The following GRM3 variants were observed in gnomAD, a reference collection of about 807,000 sequenced individuals.
The protein encoded by GRM3 is metabotropic glutamate receptor 3.
GRM3 carries 26 observed loss-of-function variants against 70.5 expected under a neutral mutation model. That is an observed-to-expected ratio of 0.37 (90% CI 0.27 to 0.51). The LOEUF (loss-of-function observed/expected upper bound fraction) is 0.51, where lower values mean the gene tolerates loss of function less well. Ranked by LOEUF, GRM3 falls within the 20% of genes least tolerant of loss-of-function variation. The pLI is 0.93. For missense variants in GRM3, 859 were observed against 1,123.8 expected (o/e 0.76, Z 3.37); for synonymous variants, 443 against 434.9 (o/e 1.02, Z -0.23).
rs2116545429 is a variant in GRM3, at chr7:86,786,654, G to A, written c.862G>A (p.Ala288Thr). The change falls in exon 3 of 6, where the codon GCC becomes ACC. Residue 288 changes from alanine to threonine, a missense_variant. Ala to Thr is a moderately conservative substitution (Grantham distance 58, BLOSUM62 0). Coordinates refer to ENST00000361669, the MANE Select transcript of GRM3 (RefSeq NM_000840.3). The surrounding 1 kb of genome is among the most constrained non-coding windows in gnomAD (Gnocchi z 6.0). ...CGACTCGCGGGAGCTCATTGCAGCC[G>A]CCAGCCGCGCCAATGCCTCCTTCAC... ...SDDSRELIAAASRANASFTWV... is the reference protein window; with the variant it reads ...SDDSRELIAATSRANASFTWV... 6.2e-7 allele frequency: 1 copy of A among 1,611,496 alleles called. No homozygotes were observed. The highest frequency in any genetic ancestry group is 1.3e-5 in the African/African-American group (1 of 75,064).
chr7:86,739,368 A>G (rs1795933908), intron 1 of GRM3, among the ~76,000 whole-genome samples: 1 of 152,146 alleles, frequency 6.6e-6, no homozygotes, highest in Admixed American at 6.5e-5. Context: ...CCCTCCTTCC[A>G]GTAACCTTCC....
intron 1 of GRM3, among the ~76,000 whole-genome samples, chr7:86,705,261 T>C (rs1455736926): frequency 6.6e-6 from 1 of 152,006 alleles, no homozygotes; most frequent in African/African-American, 2.4e-5. Context: ...CAATGTCATT[T>C]ATTTTTCAAT....
intron 1 of GRM3, among the ~76,000 whole-genome samples, chr7:86,694,084 G>A (rs981659467): frequency 2.0e-5 from 3 of 152,172 alleles, no homozygotes; most frequent in Non-Finnish European, 4.4e-5. Flanking sequence ...TATGGACTGT[G>A]GAGGTGAGAG....
At chr7:86,733,614 G>C (rs1196864906) in intron 1 of GRM3, among the ~76,000 whole-genome samples, 1 of 152,182 alleles carries the variant, frequency 6.6e-6, no homozygotes, top group East Asian at 1.9e-4. Context: ...ATAAGGACAG[G>C]GAAAAAGGTT....
intron 1 of GRM3, among the ~76,000 whole-genome samples, chr7:86,659,211 G>A (rs1226236181): frequency 6.6e-6 from 1 of 152,116 alleles, no homozygotes; most frequent in African/African-American, 2.4e-5. Context: ...ATTAAATGCA[G>A]TTTGTGGCAA....
At chr7:86,789,060 A>T (rs1797341560) in intron 3 of GRM3, among the ~76,000 whole-genome samples, 1 of 152,226 alleles carries the variant, frequency 6.6e-6, no homozygotes, top group Non-Finnish European at 1.5e-5. Flanking sequence ...AAACAAAAGT[A>T]TCCTCTTTTT....
chr7:86,654,173 G>A (rs1485790590), intron 1 of GRM3, among the ~76,000 whole-genome samples: 5 of 152,210 alleles, frequency 3.3e-5, no homozygotes, highest in Non-Finnish European at 7.3e-5. Flanking sequence ...CAGGAAGTGA[G>A]GGACTGGCAG....
intron 2 of GRM3, among the ~76,000 whole-genome samples, chr7:86,777,398 A>T (rs1796920673): frequency 6.6e-6 from 1 of 152,100 alleles, no homozygotes; most frequent in South Asian, 2.1e-4. Context: ...TTCCACTATG[A>T]TTAGGGAGTC....
At chr7:86,836,145 C>G (rs1332624110) in intron 3 of GRM3, among the ~76,000 whole-genome samples, 4 of 152,138 alleles carry the variant, frequency 2.6e-5, no homozygotes, top group Non-Finnish European at 4.4e-5. Flanking sequence ...GGAGAATGGA[C>G]ATTCCCATAC....
chr7:86,645,076 T>C, intron 1 of GRM3: 1 of 348,672 alleles, frequency 2.9e-6, no homozygotes, highest in South Asian at 2.1e-5. Context: ...TGCGCCCACG[T>C]CTGTGTCTGG....
intron 1 of GRM3, among the ~76,000 whole-genome samples, chr7:86,725,902 T>C (rs1795582447): frequency 6.6e-6 from 1 of 151,984 alleles, no homozygotes; most frequent in African/African-American, 2.4e-5. Flanking sequence ...AGGGATCTGG[T>C]TTCTTTCTCT....
intron 1 of GRM3, among the ~76,000 whole-genome samples, chr7:86,654,384 GT>G (rs1215740279): frequency 6.6e-6 from 1 of 152,210 alleles, no homozygotes; most frequent in Admixed American, 6.5e-5. Context: ...AGACAAAACT[GT>G]TAAACTGTTG....
chr7:86,776,472 T>C (rs556812679), intron 2 of GRM3, among the ~76,000 whole-genome samples: 1 of 152,044 alleles, frequency 6.6e-6, no homozygotes, highest in Non-Finnish European at 1.5e-5. Flanking sequence ...TACAATATGG[T>C]GAATATACCT....
intron 1 of GRM3, among the ~76,000 whole-genome samples, chr7:86,677,624 G>A (rs1468117788): frequency 6.6e-6 from 1 of 151,948 alleles, no homozygotes; most frequent in Non-Finnish European, 1.5e-5. Flanking sequence ...AAACTTATTA[G>A]TTTCAATTTT....
chr7:86,755,327 T>C (rs1796318414), intron 1 of GRM3, among the ~76,000 whole-genome samples: 1 of 152,138 alleles, frequency 6.6e-6, no homozygotes, highest in African/African-American at 2.4e-5. Context: ...AGCAAGTCAA[T>C]TCAGGTATGA....
intron 1 of GRM3, among the ~76,000 whole-genome samples, chr7:86,737,140 A>G (rs1795881498): frequency 6.6e-6 from 1 of 152,188 alleles, no homozygotes; most frequent in Non-Finnish European, 1.5e-5. Flanking sequence ...GAAATAAGCA[A>G]AACCTTGAGC....
intron 4 of GRM3, among the ~76,000 whole-genome samples, chr7:86,847,626 G>T (rs1048674902): frequency 2.6e-5 from 4 of 152,142 alleles, no homozygotes; most frequent in African/African-American, 9.7e-5. Context: ...AGTTCAAGTA[G>T]AATAGATAAC....
At chr7:86,649,751 C>T (rs1793562644) in intron 1 of GRM3, among the ~76,000 whole-genome samples, 1 of 151,874 alleles carries the variant, frequency 6.6e-6, no homozygotes, top group South Asian at 2.1e-4. Context: ...GAGAAGATTC[C>T]TCTAAGAAAG....
At chr7:86,690,883 T>C (rs1040224733) in intron 1 of GRM3, among the ~76,000 whole-genome samples, 2 of 152,190 alleles carry the variant, frequency 1.3e-5, no homozygotes, top group African/African-American at 4.8e-5. Context: ...ATAAAGAGCA[T>C]ATTCATAATT....
Sources: gnomAD v4.1 joint callset for allele counts (sites outside exome capture counted in the v4.1 genomes callset) on GRCh38, gnomAD v4.1.1 for gene constraint, Gnocchi (gnomAD v3.1) non-coding constraint, MANE v1.5 for transcripts, NCBI Gene and HGNC (gene_info 2026-07-23, HGNC 2026-07-21) for gene names.